MECOM: variants seen among roughly 807,000 people sequenced by gnomAD.
The protein encoded by MECOM is MDS1 and EVI1 complex locus, also known as histone-lysine N-methyltransferase MECOM.
MECOM carries 13 observed loss-of-function variants against 116.3 expected under a neutral mutation model. The observed-to-expected ratio is 0.11, with a 90% CI of 0.07 to 0.18. The LOEUF (loss-of-function observed/expected upper bound fraction) is 0.18. MECOM is among the 10% of genes least tolerant of loss of function. MECOM has a pLI of 1.00. For missense variants in MECOM, 1,299 were observed against 1,509.0 expected (o/e 0.86, Z 2.31); for synonymous variants, 528 against 535.2 (o/e 0.99, Z 0.19).
At chr3:169,549,896 TA>T (rs1471953304) in intron 1 of MECOM, among the ~76,000 whole-genome samples, 1 of 152,186 alleles carries the variant, frequency 6.6e-6, no homozygotes, top group African/African-American at 2.4e-5. Context: ...CTTTGACCTT[TA>T]GAGAGCTTGA....
intron 1 of MECOM, among the ~76,000 whole-genome samples, chr3:169,569,048 A>T (rs1433923996): frequency 2.0e-5 from 3 of 152,176 alleles, no homozygotes; most frequent in Non-Finnish European, 4.4e-5. Flanking sequence ...CAGACTGGCA[A>T]ATTGGGTAAA....
At chr3:169,238,174 C>CA (rs869078937) in intron 2 of MECOM, among the ~76,000 whole-genome samples, 14,963 of 71,636 alleles carry the variant, frequency 0.21, 1,710 homozygotes, top group African/African-American at 0.38. Context: ...GACTCCATCT[C>CA]AAAAAAAAAA....
intron 1 of MECOM, among the ~76,000 whole-genome samples, chr3:169,429,910 G>A (rs1741330668): frequency 6.6e-6 from 1 of 152,194 alleles, no homozygotes. Flanking sequence ...TCTCTGTGTT[G>A]CAGAGTCCCA....
chr3:169,265,752 A>G (rs1758198971), intron 2 of MECOM, among the ~76,000 whole-genome samples: 1 of 152,180 alleles, frequency 6.6e-6, no homozygotes, highest in Non-Finnish European at 1.5e-5. Context: ...TACCCCCAGT[A>G]CTTCCTATGT....
intron 2 of MECOM, among the ~76,000 whole-genome samples, chr3:169,380,185 T>C (rs942618535): frequency 2.0e-5 from 3 of 152,152 alleles, no homozygotes; most frequent in African/African-American, 4.8e-5. Context: ...TGATCATAAA[T>C]ATTAAGGAAA....
At chr3:169,218,114 G>T (rs11707805) in intron 2 of MECOM, among the ~76,000 whole-genome samples, 16,103 of 151,860 alleles carry the variant, frequency 0.11, 962 homozygotes, top group Non-Finnish European at 0.13. Flanking sequence ...ATCCAGAAGA[G>T]AAATATATTT....
intron 1 of MECOM, among the ~76,000 whole-genome samples, chr3:169,444,295 C>A (rs540915493): frequency 2.0e-5 from 3 of 152,130 alleles, no homozygotes; most frequent in African/African-American, 7.2e-5. Context: ...TTTTCATGAG[C>A]AACACTGATA....
intron 1 of MECOM, among the ~76,000 whole-genome samples, chr3:169,387,886 T>C (rs531382923): frequency 1.3e-5 from 2 of 152,150 alleles, no homozygotes; most frequent in South Asian, 4.1e-4. Context: ...ACAGATTAGG[T>C]AACTCAGAAA....
At chr3:169,104,534 G>A (rs1050772728) in intron 10 of MECOM, among the ~76,000 whole-genome samples, 1 of 152,084 alleles carries the variant, frequency 6.6e-6, no homozygotes, top group Admixed American at 6.6e-5. Flanking sequence ...GTTAATGCAT[G>A]GGTAATGATT....
chr3:169,302,572 AGT>A (rs1308520134), intron 2 of MECOM, among the ~76,000 whole-genome samples: 1 of 152,206 alleles, frequency 6.6e-6, no homozygotes, highest in African/African-American at 2.4e-5. Context: ...AAATTTTAAA[AGT>A]GTAATATTTG....
At chr3:169,592,158 C>G (rs1280651582) in intron 1 of MECOM, among the ~76,000 whole-genome samples, 7 of 152,126 alleles carry the variant, frequency 4.6e-5, no homozygotes, top group African/African-American at 1.7e-4. Context: ...AGAAACAAAC[C>G]CAAATAATTC....
At position 169,145,714 on chromosome 3, in the gene MECOM, C is replaced by T. The variant is rs140847294; in HGVS notation, c.376-1882G>A. 790 of 221,278 alleles carry T rather than the reference C, an allele frequency of 3.6e-3. 6 individuals carry two copies. Among genetic ancestry groups the T allele is most frequent in the African/African-American group, 0.017 (746 of 44,812 alleles). The allele number at this position is 221,278 out of a possible 1,614,324, so 13.7% of individuals were successfully genotyped here. A position where few individuals can be genotyped will look rare whatever the true frequency, so the allele number is the denominator to read the frequency against. On this transcript the variant is annotated intron_variant, in intron 2 of 16. Transcript: ENST00000651503. Reference sequence around the variant, plus strand: ...AGCATCCATCCCCTTAGCTTTCAAGCATACCCTTTCACAGGGGCAGGGAGT... The same window carrying T: ...AGCATCCATCCCCTTAGCTTTCAAGTATACCCTTTCACAGGGGCAGGGAGT...
chr3:169,201,257 ATGTGTGTGTGTG>A (rs59517316), intron 2 of MECOM, among the ~76,000 whole-genome samples: 10 of 150,330 alleles, frequency 6.7e-5, no homozygotes, highest in African/African-American at 2.4e-4. Context: ...TTTAGACAAG[ATGTGTGTGTGTG>A]TGTGTGTGTG....
rs538306701 is a variant in MECOM at position 169,492,011 on chromosome 3, G to T, written c.38-110487C>A. Among the ~76,000 whole-genome samples the T allele has an allele frequency of 2.0e-5, 3 of 152,224 alleles. No individual in the cohort carries two copies. The East Asian group carries it at 5.8e-4, about 29-fold the overall frequency. The stretch of plus-strand genomic sequence containing the variant: ...TATCAAAGAAAACACTTTTATCTGG[G>T]ACTAGAATTCTTAAAGATAAGTGCT... On this transcript the variant is annotated intron_variant, in intron 1 of 16. Coordinates refer to ENST00000651503, the MANE Select transcript of MECOM (RefSeq NM_004991.4).
chr3:169,652,065 T>A (rs181934479), intron 1 of MECOM, among the ~76,000 whole-genome samples: 19 of 152,312 alleles, frequency 1.2e-4, no homozygotes, highest in African/African-American at 4.6e-4. Context: ...TGTTTTATAA[T>A]AAACATGCTA....
intron 2 of MECOM, among the ~76,000 whole-genome samples, chr3:169,192,491 T>A (rs1261754422): frequency 1.3e-5 from 2 of 152,064 alleles, no homozygotes; most frequent in East Asian, 1.9e-4. Flanking sequence ...ATGTGCTATG[T>A]TCTATTATCC....
chr3:169,498,884 G>A (rs1754165202), intron 1 of MECOM, among the ~76,000 whole-genome samples: 1 of 151,816 alleles, frequency 6.6e-6, no homozygotes, highest in Non-Finnish European at 1.5e-5. Flanking sequence ...TAGGGCTATA[G>A]AAAAAACAAT....
chr3:169,181,468 G>A (rs1416263855), intron 2 of MECOM, among the ~76,000 whole-genome samples: 1 of 152,060 alleles, frequency 6.6e-6, no homozygotes, highest in Non-Finnish European at 1.5e-5. Flanking sequence ...AATCAGCAAT[G>A]GTTCCAGAGG....
At chr3:169,089,459 A>C (rs1476472703) in intron 15 of MECOM, among the ~76,000 whole-genome samples, 1 of 152,174 alleles carries the variant, frequency 6.6e-6, no homozygotes, top group Non-Finnish European at 1.5e-5. Context: ...CAGAGACAGA[A>C]TTCATATATT....
Sources: allele counts gnomAD v4.1 joint callset (sites outside exome capture counted in the v4.1 genomes callset), GRCh38; gene constraint gnomAD v4.1.1; transcripts MANE v1.5; gene names NCBI Gene and HGNC (gene_info 2026-07-23, HGNC 2026-07-21).